The following KLHL14 variants were observed in gnomAD, a reference collection of about 807,000 sequenced individuals.
KLHL14 encodes the protein kelch like family member 14.
Under a neutral mutation model 64.3 loss-of-function variants are expected in KLHL14, and 22 were observed. The ratio of observed to expected loss-of-function variants is 0.34; its 90% CI spans 0.24 to 0.49. The LOEUF (loss-of-function observed/expected upper bound fraction) is 0.49, where lower values mean the gene tolerates loss of function less well. KLHL14 is among the 20% of genes least tolerant of loss of function. The pLI is 0.99. For synonymous variants in KLHL14, 322 were observed against 333.4 expected (o/e 0.97, Z 0.37); for missense variants, 661 against 789.0 (o/e 0.84, Z 1.94).
At chr18:32,708,449 C>A (rs2050001810) in intron 3 of KLHL14, among the ~76,000 whole-genome samples, 1 of 152,210 alleles carries the variant, frequency 6.6e-6, no homozygotes, top group Admixed American at 6.5e-5. Flanking sequence ...TAGGAGAAAT[C>A]ACTGGAGTTT....
chr18:32,722,209 C>CTTAG (rs1363203766), intron 3 of KLHL14, among the ~76,000 whole-genome samples: 1 of 152,180 alleles, frequency 6.6e-6, no homozygotes, highest in African/African-American at 2.4e-5. Flanking sequence ...ATTACCCAGT[C>CTTAG]TTAGATATGT....
intron 2 of KLHL14, among the ~76,000 whole-genome samples, chr18:32,752,893 A>C (rs1179028654): frequency 1.3e-5 from 2 of 149,060 alleles, no homozygotes; most frequent in African/African-American, 5.0e-5. Flanking sequence ...GAACTTTTAT[A>C]AGCTATCAGA....
At chr18:32,703,020 C>T (rs748000848) in intron 3 of KLHL14, among the ~76,000 whole-genome samples, 22 of 152,206 alleles carry the variant, frequency 1.4e-4, no homozygotes, top group Non-Finnish European at 2.8e-4. Flanking sequence ...TTTCATCACT[C>T]CCTCATCTTT....
chr18:32,735,005 C>A (rs1598569376), intron 3 of KLHL14, among the ~76,000 whole-genome samples: 1 of 152,264 alleles, frequency 6.6e-6, no homozygotes, highest in East Asian at 1.9e-4. Context: ...ATCTTAAATG[C>A]AAATTTTGTC....
chr18:32,747,586 T>C (rs1162133089), intron 2 of KLHL14, among the ~76,000 whole-genome samples: 1 of 152,202 alleles, frequency 6.6e-6, no homozygotes, highest in Non-Finnish European at 1.5e-5. Context: ...CAGGTGGTAA[T>C]GCAAGTGATA....
chr18:32,767,494 T>C (rs1443539576), intron 2 of KLHL14, among the ~76,000 whole-genome samples: 1 of 152,242 alleles, frequency 6.6e-6, no homozygotes, highest in Admixed American at 6.5e-5. Context: ...TGCAGAAGTA[T>C]CAGATTCTTG....
At chr18:32,698,735 G>T (rs2144488877) in intron 3 of KLHL14, among the ~76,000 whole-genome samples, 1 of 152,196 alleles carries the variant, frequency 6.6e-6, no homozygotes, top group Admixed American at 6.5e-5. Context: ...CTAGGAGAAA[G>T]AAAAAGCCAG....
intron 2 of KLHL14, among the ~76,000 whole-genome samples, chr18:32,756,314 C>T (rs2050281369): frequency 6.6e-6 from 1 of 152,172 alleles, no homozygotes; most frequent in East Asian, 1.9e-4. Flanking sequence ...ACCCTGCTGG[C>T]ACCTTGGTCT....
intron 8 of KLHL14, among the ~76,000 whole-genome samples, 161 bp from the exon 9 acceptor site, chr18:32,674,958 C>T (rs1568061385): frequency 6.6e-6 from 1 of 151,916 alleles, no homozygotes; most frequent in East Asian, 1.9e-4. Flanking sequence ...TGTTCTATTC[C>T]AAAGAAAAAG....
chr18:32,719,070 T>C (rs1377305683), intron 3 of KLHL14, among the ~76,000 whole-genome samples: 1 of 152,210 alleles, frequency 6.6e-6, no homozygotes, highest in East Asian at 1.9e-4. Context: ...TGCCTCAGCC[T>C]CCCGAGTAGC....
chr18:32,687,444 C>G lies in KLHL14; in HGVS notation c.1160-211G>C, dbSNP rs74956971. On this transcript the variant is annotated intron_variant, in intron 4 of 8. Transcript: ENST00000359358. ...CTCTTTCCTTCTCTTTCCTTTTTCT[C>G]TTTTTGCAATGAGTTAGGAAAAACT... Among the ~76,000 whole-genome samples the G allele has an allele frequency of 4.8e-3, 730 of 152,214 alleles. 9 individuals are homozygous for G. Among genetic ancestry groups the G allele is most frequent in the African/African-American group, 0.017 (706 of 41,538 alleles).
chr18:32,687,426 C>T (rs1434243506), intron 4 of KLHL14, among the ~76,000 whole-genome samples, 193 bp from the exon 5 acceptor site: 2 of 152,146 alleles, frequency 1.3e-5, no homozygotes, highest in South Asian at 2.1e-4. Flanking sequence ...TTCCTCTTTC[C>T]TTCTCTTTCC....
Position 32,677,216 on chromosome 18 carries a change from A to C in KLHL14, c.1703T>G (p.Leu568Arg). 1 of 1,613,678 alleles carries C rather than the reference A, an allele frequency of 6.2e-7. No individual in the cohort carries two copies. The highest frequency in any genetic ancestry group is 8.5e-7 in the Non-Finnish European group (1 of 1,179,666). The part of the protein sequence containing the change: ...EGRSGPGCAV[L>R]DDSIYLVGGY... ...TCCCACAAGGTAAATGCTGTCATCA[A>C]GCACTGCACAGCCAGGGCCACTTCG... The change falls in exon 8 of 9, where the codon CTT becomes CGT. Residue 568 changes from leucine to arginine, a missense_variant. By Grantham distance (102) the Leu-to-Arg change is moderately radical. Transcript: ENST00000359358.
rs1258646995 is a variant in KLHL14 at position 32,680,580 on chromosome 18, A to T, written c.1258T>A (p.Cys420Ser). 6.2e-7 allele frequency: 1 copy of T among 1,611,664 alleles called. No individual in the cohort carries two copies. The highest frequency in any genetic ancestry group is 1.7e-5 in the Admixed American group (1 of 59,572). Residue 420 changes from cysteine (C) to serine (S), a missense_variant, in exon 6 of 9, where the codon TGT becomes AGT. By Grantham distance (112) the Cys-to-Ser change is moderately radical. Coordinates refer to ENST00000359358, the MANE Select transcript of KLHL14 (RefSeq NM_020805.3). The surrounding 1 kb of genome is among the most constrained non-coding windows in gnomAD (Gnocchi z 4.8). The stretch of plus-strand genomic sequence containing the variant: ...ACGTATAAATGCTTGTCCAACCGAC[A>T]TGCATAGAAACTGGCTCTTCTACAA... ...MQERRASFYACRLDKHLYVIG... is the reference protein window; with the variant it reads ...MQERRASFYASRLDKHLYVIG...
At chr18:32,746,570 A>G (rs2050224977) in intron 2 of KLHL14, among the ~76,000 whole-genome samples, 1 of 152,216 alleles carries the variant, frequency 6.6e-6, no homozygotes, top group Non-Finnish European at 1.5e-5. Flanking sequence ...CAGGCCAGAT[A>G]AAGTTTTCCT....
chr18:32,677,367 A>G (rs771336376), intron 7 of KLHL14, 37 bp from the exon 8 acceptor site: 1 of 1,573,058 alleles, frequency 6.4e-7, no homozygotes. Flanking sequence ...CAAAATGATA[A>G]ATGCTCAGGG....
Position 32,695,488 on chromosome 18 carries a change from A to C in KLHL14, c.1134T>G (p.Gly378=). The part of the protein sequence containing the change: ...VEVENFLFVL[G]GEDQWNPNGK... Reference sequence around the variant, plus strand: ...CATTCGGATTCCACTGGTCCTCTCCACCCAACACGAACAAGAAGTTTTCCA... The same window carrying C: ...CATTCGGATTCCACTGGTCCTCTCCCCCCAACACGAACAAGAAGTTTTCCA... Residue 378 remains glycine (G), a synonymous_variant, in exon 4 of 9, where the codon GGT becomes GGG. Transcript: ENST00000359358. The C allele has an allele frequency of 1.9e-6, 3 of 1,612,160 alleles. No individual in the cohort carries two copies. The highest frequency in any genetic ancestry group is 1.7e-6 in the Non-Finnish European group (2 of 1,178,678).
At chr18:32,769,568 T>G in intron 2 of KLHL14, 77 bp downstream of exon 2, 16 of 414,826 alleles carry the variant, frequency 3.9e-5, no homozygotes, top group Middle Eastern at 8.5e-4. Flanking sequence ...TCTTCCCTCC[T>G]CCCTGCCCCC....
chr18:32,703,523 A>G (rs569701775), intron 3 of KLHL14, among the ~76,000 whole-genome samples: 5 of 152,332 alleles, frequency 3.3e-5, no homozygotes, highest in Non-Finnish European at 7.3e-5. Context: ...GGCTGGCCAT[A>G]TATTATTTCT....
Sources: allele counts gnomAD v4.1 joint callset (sites outside exome capture counted in the v4.1 genomes callset), GRCh38; gene constraint gnomAD v4.1.1; non-coding constraint Gnocchi (gnomAD v3.1); transcripts MANE v1.5; gene names NCBI Gene and HGNC (gene_info 2026-07-23, HGNC 2026-07-21).